Variants in TSC1 observed in about 807,000 individuals in gnomAD.
TSC1 encodes the protein TSC complex subunit 1, also known as hamartin.
TSC1 carries 20 observed loss-of-function variants against 124.3 expected under a neutral mutation model. That is an observed-to-expected ratio of 0.16 (90% confidence interval 0.11 to 0.23). The LOEUF is 0.23. Ranked by LOEUF, TSC1 falls within the 10% of genes least tolerant of loss-of-function variation. The pLI is 1.00. For missense variants in TSC1, 1,124 were observed against 1,448.5 expected (o/e 0.78, Z 3.64); for synonymous variants, 493 against 539.1 (o/e 0.91, Z 1.19).
intron 8 of TSC1, chr9:132,912,794 T>A (rs574718857): frequency 4.4e-4 from 142 of 323,028 alleles, no homozygotes; most frequent in South Asian, 1.2e-3. Context: ...GGAACAAAGG[T>A]CATCAAAAAA....
intron 20 of TSC1, chr9:132,899,765 G>C (rs1448043284): frequency 6.6e-6 from 1 of 152,216 alleles, no homozygotes; most frequent in Non-Finnish European, 1.5e-5. Context: ...GTCCCAAACA[G>C]CACAAGGACT....
At chr9:132,944,642 C>A (rs1052957816), upstream of TSC1, 4 of 398,706 alleles carry the variant, frequency 1.0e-5, no homozygotes, top group African/African-American at 6.2e-5. Flanking sequence ...GTGAAAGGGC[C>A]AAGGCCGACG....
At chr9:132,911,149 G>A (rs1845936058) in intron 10 of TSC1, 36 bp from the exon 11 acceptor site, 34 of 1,514,992 alleles carry the variant, frequency 2.2e-5, no homozygotes, top group Non-Finnish European at 2.9e-5. Context: ...CAGTGGCAAA[G>A]GAATGCTAAG....
At position 132,897,613 on chromosome 9, in the gene TSC1, G is replaced by GAAA. The variant is rs5901000; in HGVS notation, c.2626-6_2626-4dup. On this transcript the variant is annotated splice_region_variant and splice_polypyrimidine_tract_variant and intron_variant, in intron 20 of 22. Transcript: ENST00000298552. Reference sequence around the variant, plus strand: ...GCGGCTTTCATCATTTCTACTTCCTGAAAAAAAAAAAAAAAAAAGACTGGA... The same window carrying GAAA: ...GCGGCTTTCATCATTTCTACTTCCTGAAAAAAAAAAAAAAAAAAAAAGACTGGA... 0.044 allele frequency: 58,977 copies of GAAA among 1,333,222 alleles called. 212 individuals carry two copies. The highest frequency in any genetic ancestry group is 0.07 in the South Asian group (4,663 of 66,498). The allele number at this position is 1,333,222 out of a possible 1,614,324, so 82.6% of individuals were successfully genotyped here. A position where few individuals can be genotyped will look rare whatever the true frequency, so the allele number is the denominator to read the frequency against.
chr9:132,900,526 CCAATAGGAGAAA>C (rs1845309025), intron 20 of TSC1, 177 bp downstream of exon 20: 8 of 865,372 alleles, frequency 9.2e-6, no homozygotes, highest in South Asian at 8.9e-5. Context: ...TCAAAGCAAC[CCAATAGGAGAAA>C]CAAGCTCACA....
Position 132,903,932 on chromosome 9 carries a change from ACT to A in TSC1, c.2042-117_2042-116del, listed in dbSNP as rs1845517525. Reference sequence around the variant, plus strand: ...CACAATTCTTTAAAAACAAATCACCACTCTCTTTGCAAATGACCACTTGACTC... The same window carrying A: ...CACAATTCTTTAAAAACAAATCACCACTCTTTGCAAATGACCACTTGACTC... On this transcript the variant is annotated intron_variant, in intron 16 of 22. Coordinates refer to ENST00000298552, the MANE Select transcript of TSC1 (RefSeq NM_000368.5). The surrounding 1 kb of genome is among the most constrained non-coding windows in gnomAD (Gnocchi z 5.9). 6 of 1,273,594 alleles carry A rather than the reference ACT, an allele frequency of 4.7e-6. No homozygotes were observed. Among genetic ancestry groups the A allele is most frequent in the African/African-American group, 3.0e-5 (2 of 67,626 alleles). 78.9% of individuals were successfully genotyped at this position (1,273,594 alleles called of 1,614,324 possible).
intron 8 of TSC1, among the ~76,000 whole-genome samples, chr9:132,917,333 TTCTC>T: frequency 6.6e-6 from 1 of 152,170 alleles, no homozygotes; most frequent in East Asian, 1.9e-4. Flanking sequence ...CAAAGTTTTC[TTCTC>T]TCTCTTTTTC....
chr9:132,910,353 C>A, intron 12 of TSC1: 1 of 740,984 alleles, frequency 1.3e-6, no homozygotes, highest in Non-Finnish European at 2.2e-6. Context: ...CTGCTGGGTT[C>A]CCCACAAGAG....
rs1428417417 is a variant in TSC1, at chr9:132,894,378, CCTTT to C, written c.*1853_*1856del. 4 of 230,454 alleles carry C rather than the reference CCTTT, an allele frequency of 1.7e-5. No homozygotes were observed. Among genetic ancestry groups the C allele is most frequent in the African/African-American group, 8.9e-5 (4 of 45,150 alleles). 14.3% of individuals were successfully genotyped at this position (230,454 alleles called of 1,614,324 possible). On this transcript the variant is annotated 3_prime_UTR_variant, in exon 23 of 23. Transcript: ENST00000298552. ...AGGATTCACTGATGGGATTTCCTTC[CCTTT>C]CTAAGTTTGTTCACGTTTTCCTTTT...
At chr9:132,926,374 A>T (rs1160270981) in intron 4 of TSC1, 1 of 159,494 alleles carries the variant, frequency 6.3e-6, no homozygotes, top group Non-Finnish European at 1.4e-5. Context: ...GGCATGCAAT[A>T]CAAGGTCTTC....
rs1846540004 is a variant in TSC1, at chr9:132,921,341, A to T, written c.737+22T>A. 1 of 1,613,134 alleles carries T rather than the reference A, an allele frequency of 6.2e-7. No individual in the cohort carries two copies. Among genetic ancestry groups the T allele is most frequent in the Admixed American group, 1.7e-5 (1 of 60,002 alleles). On this transcript the variant is annotated intron_variant, in intron 8 of 22. Coordinates refer to ENST00000298552, the MANE Select transcript of TSC1 (RefSeq NM_000368.5). This position sits in a 1 kb window ranked among gnomAD's most constrained non-coding sequence, Gnocchi z 4.3. ...TCAATCTCTCGAAAGATTCTTTAAA[A>T]TTTTGACACTAGTTTCTATACCTTC...
intron 15 of TSC1, among the ~76,000 whole-genome samples, chr9:132,904,729 A>G (rs1845569057): frequency 1.3e-5 from 2 of 152,322 alleles, no homozygotes; most frequent in South Asian, 4.1e-4. Flanking sequence ...TTGCAGGCTG[A>G]GCTGCACTGC....
In TSC1 at chr9:132,901,458, G is replaced by A. The variant is rs7020175; in HGVS notation, c.2502+131C>T. Reference sequence around the variant, plus strand: ...TTGCCAAATGTCAGGGACTATGGGGGCAGCAGAACCACTTCCTGTTGGGAA... The same window carrying A: ...TTGCCAAATGTCAGGGACTATGGGGACAGCAGAACCACTTCCTGTTGGGAA... On this transcript the variant is annotated intron_variant, in intron 19 of 22. Transcript: ENST00000298552. The A allele has an allele frequency of 0.089, 75,595 of 850,470 alleles. 3,507 individuals carry two copies. The highest frequency in any genetic ancestry group is 0.11 in the African/African-American group (6,478 of 60,866). 52.7% of individuals were successfully genotyped at this position (850,470 alleles called of 1,614,324 possible). A position where few individuals can be genotyped will look rare whatever the true frequency, so the allele number is the denominator to read the frequency against.
rs1026982850 is a variant in TSC1 at position 132,893,800 on chromosome 9, A to G, written c.*2435T>C. The G allele has an allele frequency of 4.3e-6, 1 of 233,202 alleles. No individual in the cohort carries two copies. The highest frequency in any genetic ancestry group is 8.5e-6 in the Non-Finnish European group (1 of 118,056). 14.4% of individuals were successfully genotyped at this position (233,202 alleles called of 1,614,324 possible). A position where few individuals can be genotyped will look rare whatever the true frequency, so the allele number is the denominator to read the frequency against. On this transcript the variant is annotated 3_prime_UTR_variant, in exon 23 of 23. Coordinates refer to ENST00000298552, the MANE Select transcript of TSC1 (RefSeq NM_000368.5). ...GCTTATTGTACTAATACCTTTGCCCAGGACTGAATTGCCTCTCGAGAGTAA... is the reference window on the plus strand; with the variant it reads ...GCTTATTGTACTAATACCTTTGCCCGGGACTGAATTGCCTCTCGAGAGTAA...
In TSC1 at chr9:132,901,095, C is replaced by T. The variant is rs557069283; in HGVS notation, c.2503-258G>A. ...AAATGCAGTCCATCAAACTGACCAC[C>T]CACAGAACACCTGGAGAAGGTGGAC... On this transcript the variant is annotated intron_variant, in intron 19 of 22. Coordinates refer to ENST00000298552, the MANE Select transcript of TSC1 (RefSeq NM_000368.5). 4.1e-4 allele frequency among the ~76,000 whole-genome samples: 62 copies of T among 152,282 alleles called. 1 individual carries two copies. The highest frequency in any genetic ancestry group is 6.8e-3 in the Middle Eastern group (2 of 294).
intron 12 of TSC1, among the ~76,000 whole-genome samples, chr9:132,908,811 A>G (rs905997061): frequency 3.3e-5 from 5 of 151,898 alleles, no homozygotes; most frequent in South Asian, 2.1e-4. Context: ...CCAAAATTTG[A>G]TAAGTGTTAG....
Position 132,892,542 on chromosome 9 carries a change from G to A in TSC1, c.*3693C>T. On this transcript the variant is annotated 3_prime_UTR_variant, in exon 23 of 23. Transcript: ENST00000298552. ...AACAACTCTCCAAGAGTATCCGCAG[G>A]AGGTGGGCGGCACCCCATCTCACCA... 1 of 233,424 alleles carries A rather than the reference G, an allele frequency of 4.3e-6. No homozygotes were observed. The highest frequency in any genetic ancestry group is 1.8e-4 in the South Asian group (1 of 5,532). The allele number at this position is 233,424 out of a possible 1,614,324, so 14.5% of individuals were successfully genotyped here.
In TSC1 at chr9:132,896,092, TC is replaced by T; in HGVS notation, c.*142del. ...GATCCAAAAACCGTTCTGCATTCAG[TC>T]AGCTGTCCAAAGGACCTCCGTCCCA... On this transcript the variant is annotated 3_prime_UTR_variant, in exon 23 of 23. Coordinates refer to ENST00000298552, the MANE Select transcript of TSC1 (RefSeq NM_000368.5). This position sits in a 1 kb window ranked among gnomAD's most constrained non-coding sequence, Gnocchi z 4.5. The T allele has an allele frequency of 8.0e-7, 1 of 1,254,862 alleles. No homozygotes were observed. The highest frequency in any genetic ancestry group is 1.1e-6 in the Non-Finnish European group (1 of 873,308). The allele number at this position is 1,254,862 out of a possible 1,614,324, so 77.7% of individuals were successfully genotyped here. A position where few individuals can be genotyped will look rare whatever the true frequency, so the allele number is the denominator to read the frequency against.
Position 132,911,469 on chromosome 9 carries a change from A to G in TSC1, c.1013T>C (p.Ile338Thr). The G allele has an allele frequency of 6.2e-7, 1 of 1,613,242 alleles. No homozygotes were observed. Among genetic ancestry groups the G allele is most frequent in the South Asian group, 1.1e-5 (1 of 91,064 alleles). ...ACACCATACTTGTGGTGGTTCAGTT[A>G]TCAGCCGTGTCGATGGGGAACTCAG... is the stretch of plus-strand genomic sequence containing the variant. Reference protein sequence around the residue: ...QTLSSPSTRLITEPPQATLWS... With the variant: ...QTLSSPSTRLTTEPPQATLWS... Residue 338 changes from isoleucine to threonine, a missense_variant, in exon 10 of 23, where the codon ATA becomes ACA. Coordinates refer to ENST00000298552, the MANE Select transcript of TSC1 (RefSeq NM_000368.5).
Sources: gnomAD v4.1 joint callset for allele counts (sites outside exome capture counted in the v4.1 genomes callset) on GRCh38, gnomAD v4.1.1 for gene constraint, Gnocchi (gnomAD v3.1) non-coding constraint, MANE v1.5 for transcripts, NCBI Gene and HGNC (gene_info 2026-07-23, HGNC 2026-07-21) for gene names.